The following TAMM41 variants were observed in gnomAD, a reference collection of about 807,000 sequenced individuals.
The protein encoded by TAMM41 is TAM41 mitochondrial translocator assembly and maintenance homolog.
TAMM41 carries 36 observed loss-of-function variants against 44.1 expected under a neutral mutation model. The ratio of observed to expected loss-of-function variants is 0.82; its 90% confidence interval spans 0.63 to 1.08. The LOEUF is 1.08. Among genes scored for constraint, TAMM41 ranks in the 50% least tolerant of loss-of-function variants. The pLI is 0.00. For synonymous variants in TAMM41, 164 were observed against 153.1 expected (o/e 1.07, Z -0.53); for missense variants, 417 against 404.3 (o/e 1.03, Z -0.27).
Position 11,823,264 on chromosome 3 carries a change from T to G in TAMM41, c.563-5927A>C, listed in dbSNP as rs1465067326. On this transcript the variant is annotated intron_variant, in intron 4 of 7. Transcript: ENST00000455809. The stretch of plus-strand genomic sequence containing the variant: ...TTTGTTGTTGTTGTTGTTTTTTTTT[T>G]TTTTTTTTTGAGACAGAGTCCTGCT... Among the ~76,000 whole-genome samples the G allele has an allele frequency of 5.4e-3, 809 of 149,756 alleles. 6 individuals carry two copies. The highest frequency in any genetic ancestry group is 0.019 in the African/African-American group (769 of 41,014).
intron 3 of TAMM41, among the ~76,000 whole-genome samples, chr3:11,835,990 C>CTTT (rs34707251): frequency 1.0e-4 from 14 of 137,888 alleles, no homozygotes; most frequent in African/African-American, 1.1e-4. Flanking sequence ...ATTCCTTTTC[C>CTTT]TTTTTTTTTT....
At chr3:11,762,199 TTCTG>T in the TAMM41 span, among the ~76,000 whole-genome samples, 1 of 152,130 alleles carries the variant, frequency 6.6e-6, no homozygotes, top group Non-Finnish European at 1.5e-5. Context: ...GTGGGTTTTT[TTCTG>T]TCTCTTTTTA....
At chr3:11,732,010 G>A in the TAMM41 span, among the ~76,000 whole-genome samples, 1 of 151,910 alleles carries the variant, frequency 6.6e-6, no homozygotes, top group Non-Finnish European at 1.5e-5. Context: ...GGTATTACAA[G>A]CATGCATCAC....
At chr3:11,775,062 G>A in the TAMM41 span, among the ~76,000 whole-genome samples, 8 of 151,854 alleles carry the variant, frequency 5.3e-5, no homozygotes, top group African/African-American at 1.5e-4. Flanking sequence ...TAGAGATGGC[G>A]TTTCACCATC....
chr3:11,726,916 TTTTCTCA>T, the TAMM41 span, among the ~76,000 whole-genome samples: 58 of 152,248 alleles, frequency 3.8e-4, no homozygotes, highest in East Asian at 3.9e-4. Flanking sequence ...AACTTCTTTC[TTTTCTCA>T]TAGTGTGAGA....
At chr3:11,827,560 T>G (rs1312751084) in intron 4 of TAMM41, among the ~76,000 whole-genome samples, 4 of 148,970 alleles carry the variant, frequency 2.7e-5, no homozygotes, top group African/African-American at 7.4e-5. Context: ...CTGCCTGCCT[T>G]GGCCTCTCAA....
intron 3 of TAMM41, among the ~76,000 whole-genome samples, chr3:11,832,742 C>G (rs997324711): frequency 6.6e-6 from 1 of 152,206 alleles, no homozygotes; most frequent in African/African-American, 2.4e-5. Context: ...CATTCCCGTT[C>G]TTCATCCCCA....
At chr3:11,748,756 T>A in the TAMM41 span, among the ~76,000 whole-genome samples, 1 of 152,150 alleles carries the variant, frequency 6.6e-6, no homozygotes, top group Non-Finnish European at 1.5e-5. Flanking sequence ...TTGAGAGCTT[T>A]ACTTTCTGTA....
At chr3:11,821,633 A>G (rs1487602451) in intron 4 of TAMM41, among the ~76,000 whole-genome samples, 1 of 152,238 alleles carries the variant, frequency 6.6e-6, no homozygotes, top group Non-Finnish European at 1.5e-5. Context: ...CTTTGTAAGT[A>G]GTAAAGCAGA....
chr3:11,731,012 G>A, the TAMM41 span, among the ~76,000 whole-genome samples: 1 of 152,108 alleles, frequency 6.6e-6, no homozygotes, highest in Non-Finnish European at 1.5e-5. Context: ...TCACCTATAT[G>A]ATGGGGATGA....
intron 4 of TAMM41, among the ~76,000 whole-genome samples, chr3:11,818,361 A>G (rs970681752): frequency 2.0e-5 from 3 of 152,170 alleles, no homozygotes; most frequent in African/African-American, 7.2e-5. Flanking sequence ...ACCAGGACAT[A>G]TGGTTACCCT....
the TAMM41 span, among the ~76,000 whole-genome samples, chr3:11,747,065 A>T: frequency 6.6e-6 from 1 of 152,070 alleles, no homozygotes; most frequent in East Asian, 1.9e-4. Flanking sequence ...CGTGTGGTAG[A>T]ACTTTATTTA....
Position 11,809,628 on chromosome 3 carries a change from AG to A in TAMM41, c.762del (p.Leu255TyrfsTer5). The A allele has an allele frequency of 6.2e-7, 1 of 1,614,086 alleles. No homozygotes were observed. The highest frequency in any genetic ancestry group is 2.2e-5 in the East Asian group (1 of 44,876). ...QFTQLMTLPK[T>X]LQQQINHIMD... ...ATAATATGATTTATCTGTTGCTGTA[AG>A]GTTTTGGGCAATGTCATCAGCTGAG... On this transcript the variant is annotated frameshift_variant, in exon 6 of 8. Transcript: ENST00000455809. LOFTEE classifies it high-confidence loss of function.
intron 1 of TAMM41, among the ~76,000 whole-genome samples, chr3:11,845,698 C>A (rs1056185145): frequency 9.2e-5 from 14 of 152,140 alleles, no homozygotes; most frequent in Non-Finnish European, 1.9e-4. Flanking sequence ...GATGGCCTCA[C>A]CAGGAAGTGA....
intron 2 of TAMM41, among the ~76,000 whole-genome samples, chr3:11,839,706 C>T (rs1356694911): frequency 6.6e-6 from 1 of 152,200 alleles, no homozygotes; most frequent in African/African-American, 2.4e-5. Context: ...ATAATAGTCC[C>T]TCCCTAAAAC....
chr3:11,739,219 G>C, the TAMM41 span, among the ~76,000 whole-genome samples: 1 of 152,114 alleles, frequency 6.6e-6, no homozygotes, highest in African/African-American at 2.4e-5. Context: ...CAGTTACCAG[G>C]CTGTACTGTC....
At chr3:11,739,518 C>T in the TAMM41 span, among the ~76,000 whole-genome samples, 2 of 151,792 alleles carry the variant, frequency 1.3e-5, no homozygotes, top group Non-Finnish European at 2.9e-5. Context: ...ATAGAAGATG[C>T]GTTAAGGGCT....
chr3:11,745,261 G>C, the TAMM41 span, among the ~76,000 whole-genome samples: 1 of 152,172 alleles, frequency 6.6e-6, no homozygotes, highest in Non-Finnish European at 1.5e-5. Context: ...AGCACAGGAG[G>C]CCTAGGGTGC....
At chr3:11,819,692 C>G (rs932207734) in intron 4 of TAMM41, among the ~76,000 whole-genome samples, 15 of 151,518 alleles carry the variant, frequency 9.9e-5, no homozygotes, top group African/African-American at 3.6e-4. Context: ...CTCAGGAGTT[C>G]GAGACCAGCC....
Sources: gnomAD v4.1 joint callset for allele counts (sites outside exome capture counted in the v4.1 genomes callset) on GRCh38, gnomAD v4.1.1 for gene constraint, MANE v1.5 for transcripts, NCBI Gene and HGNC (gene_info 2026-07-23, HGNC 2026-07-21) for gene names.